Variants in CNTN5 observed in about 807,000 individuals in gnomAD.
CNTN5 encodes the protein contactin-5.
CNTN5 carries 77 observed loss-of-function variants against 129.1 expected under a neutral mutation model. The ratio of observed to expected loss-of-function variants is 0.60; its 90% confidence interval spans 0.50 to 0.72. CNTN5 has a LOEUF of 0.72. Among genes scored for constraint, CNTN5 ranks in the 30% least tolerant of loss-of-function variants. The probability of loss-of-function intolerance (pLI) is 0.00; values close to 1 mark genes in which losing one functional copy is unlikely to be tolerated. For missense variants in CNTN5, 1,478 were observed against 1,328.8 expected, an observed-to-expected ratio of 1.11 and a Z score of -1.75; for synonymous variants, 509 against 465.6, an observed-to-expected ratio of 1.09 and a Z score of -1.20.
intron 8 of CNTN5, among the ~76,000 whole-genome samples, chr11:99,993,450 T>A (rs1345700503): frequency 6.6e-6 from 1 of 152,096 alleles, no homozygotes; most frequent in Non-Finnish European, 1.5e-5. Context: ...GCACCAGGGA[T>A]CAACTTCATG....
intron 6 of CNTN5, among the ~76,000 whole-genome samples, chr11:99,898,190 T>C (rs1028315414): frequency 6.6e-6 from 1 of 151,716 alleles, no homozygotes; most frequent in Admixed American, 6.6e-5. Flanking sequence ...AAATCAAACC[T>C]AAATGTAGCA....
intron 2 of CNTN5, among the ~76,000 whole-genome samples, chr11:99,400,960 C>A (rs1422470042): frequency 1.3e-5 from 2 of 152,024 alleles, no homozygotes; most frequent in Non-Finnish European, 2.9e-5. Flanking sequence ...GTTTGAGCTC[C>A]TTATATACTC....
At chr11:99,854,823 G>T (rs1024712560) in intron 6 of CNTN5, among the ~76,000 whole-genome samples, 28 of 152,076 alleles carry the variant, frequency 1.8e-4, no homozygotes, top group African/African-American at 6.8e-4. Context: ...ACGACAATTT[G>T]TGCTAGGAAA....
intron 2 of CNTN5, among the ~76,000 whole-genome samples, chr11:99,446,412 G>GT (rs1944073692): frequency 6.6e-6 from 1 of 151,958 alleles, no homozygotes; most frequent in Non-Finnish European, 1.5e-5. Context: ...TTTTCACTTG[G>GT]TTAGTTCAGT....
intron 1 of CNTN5, among the ~76,000 whole-genome samples, chr11:99,245,043 A>G (rs1861746992): frequency 6.6e-6 from 1 of 152,230 alleles, no homozygotes; most frequent in Non-Finnish European, 1.5e-5. Context: ...ATTAGTTATC[A>G]AAGTAATGTT....
chr11:99,407,892 T>C (rs971471825), intron 2 of CNTN5, among the ~76,000 whole-genome samples: 5 of 152,126 alleles, frequency 3.3e-5, no homozygotes, highest in Non-Finnish European at 7.4e-5. Context: ...TCCATCTCCA[T>C]AGGGCACAAA....
chr11:99,489,738 G>T (rs1211290485), intron 2 of CNTN5, among the ~76,000 whole-genome samples: 1 of 152,118 alleles, frequency 6.6e-6, no homozygotes, highest in Non-Finnish European at 1.5e-5. Flanking sequence ...ACCATAGAAA[G>T]AATTCAGGAA....
At chr11:99,726,569 G>A (rs2135063804) in intron 3 of CNTN5, among the ~76,000 whole-genome samples, 1 of 152,148 alleles carries the variant, frequency 6.6e-6, no homozygotes, top group Non-Finnish European at 1.5e-5. Context: ...CTTACTTCAG[G>A]CAATATTCTA....
chr11:100,319,640 C>T (rs541680155), intron 21 of CNTN5, among the ~76,000 whole-genome samples: 9 of 152,278 alleles, frequency 5.9e-5, no homozygotes, highest in Middle Eastern at 3.4e-3. Flanking sequence ...ATTAGAGTCA[C>T]AATGTTGAGC....
intron 9 of CNTN5, among the ~76,000 whole-genome samples, chr11:100,039,294 G>GC (rs1942234564): frequency 2.0e-5 from 3 of 152,070 alleles, no homozygotes; most frequent in Admixed American, 2.0e-4. Context: ...TTGAATATTG[G>GC]CCCCCACTCT....
chr11:100,218,418 A>G (rs745739921), intron 15 of CNTN5, among the ~76,000 whole-genome samples: 4 of 152,210 alleles, frequency 2.6e-5, no homozygotes, highest in Non-Finnish European at 5.9e-5. Flanking sequence ...TATTTATCTC[A>G]AAGACCAATG....
chr11:99,562,638 T>C (rs1006560974), intron 3 of CNTN5, among the ~76,000 whole-genome samples: 1 of 152,194 alleles, frequency 6.6e-6, no homozygotes, highest in African/African-American at 2.4e-5. Flanking sequence ...GGCCTGAAAA[T>C]AAGACTACAG....
chr11:99,490,967 C>T (rs1326809459), intron 2 of CNTN5, among the ~76,000 whole-genome samples: 1 of 151,896 alleles, frequency 6.6e-6, no homozygotes. Context: ...ATTGGGACAG[C>T]TAAAACAGAA....
intron 2 of CNTN5, among the ~76,000 whole-genome samples, chr11:99,325,768 T>C (rs1376229364): frequency 1.3e-5 from 2 of 152,236 alleles, no homozygotes; most frequent in African/African-American, 4.8e-5. Context: ...GGATGGCAAG[T>C]AACTGAATGT....
At chr11:99,626,159 A>AC (rs1332038558) in intron 3 of CNTN5, among the ~76,000 whole-genome samples, 1 of 151,934 alleles carries the variant, frequency 6.6e-6, no homozygotes, top group Non-Finnish European at 1.5e-5. Context: ...GCAAGCGAAG[A>AC]CATGCACAGA....
chr11:99,325,677 C>G (rs539060932), intron 2 of CNTN5, among the ~76,000 whole-genome samples, 193 bp downstream of exon 2: 2 of 152,250 alleles, frequency 1.3e-5, no homozygotes, highest in East Asian at 1.9e-4. Flanking sequence ...AACATAAATG[C>G]TCTATAAATA....
intron 13 of CNTN5, among the ~76,000 whole-genome samples, chr11:100,085,242 T>C (rs574173774): frequency 2.7e-4 from 41 of 152,128 alleles, no homozygotes; most frequent in African/African-American, 9.6e-5. Context: ...CCAGGATGAA[T>C]TGAATTTTTT....
chr11:100,147,239 T>G (rs1034396919), intron 13 of CNTN5, among the ~76,000 whole-genome samples: 5 of 152,106 alleles, frequency 3.3e-5, no homozygotes, highest in Admixed American at 2.6e-4. Flanking sequence ...GCAGCTGGCT[T>G]ATACTATTTT....
At chr11:99,349,784 G>T (rs758865236) in intron 2 of CNTN5, among the ~76,000 whole-genome samples, 1 of 152,074 alleles carries the variant, frequency 6.6e-6, no homozygotes, top group Non-Finnish European at 1.5e-5. Context: ...GTGGGTTGAA[G>T]GATGGATAAG....
Sources: gnomAD v4.1 joint callset for allele counts (sites outside exome capture counted in the v4.1 genomes callset) on GRCh38, gnomAD v4.1.1 for gene constraint, MANE v1.5 for transcripts, NCBI Gene and HGNC (gene_info 2026-07-23, HGNC 2026-07-21) for gene names.